Variants in FILIP1 observed in about 807,000 individuals in gnomAD.
The protein encoded by FILIP1 is filamin A interacting protein 1.
Under a neutral mutation model 102.1 loss-of-function variants are expected in FILIP1, and 61 were observed. The ratio of observed to expected loss-of-function variants is 0.60; its 90% confidence interval spans 0.49 to 0.74. The LOEUF (loss-of-function observed/expected upper bound fraction) is 0.74, where lower values mean the gene tolerates loss of function less well. Ranked by LOEUF, FILIP1 falls within the 30% of genes least tolerant of loss-of-function variation. The probability of loss-of-function intolerance (pLI) is 0.00; values close to 1 mark genes in which losing one functional copy is unlikely to be tolerated. For synonymous variants in FILIP1, 491 were observed against 526.9 expected, an observed-to-expected ratio of 0.93 and a Z score of 0.93; for missense variants, 1,314 against 1,441.2, an observed-to-expected ratio of 0.91 and a Z score of 1.43.
At chr6:75,344,614 G>A (rs892025239) in intron 4 of FILIP1, among the ~76,000 whole-genome samples, 1 of 152,202 alleles carries the variant, frequency 6.6e-6, no homozygotes, top group Non-Finnish European at 1.5e-5. Flanking sequence ...GGGTCAGCTG[G>A]CTCTGGAGGC....
chr6:75,308,862 G>A lies in FILIP1; in HGVS notation c.3471C>T (p.Pro1157=). 6.2e-7 allele frequency: 1 copy of A among 1,614,134 alleles called. No individual in the cohort carries two copies. The highest frequency in any genetic ancestry group is 2.2e-5 in the East Asian group (1 of 44,880). The change falls in exon 6 of 6, where the codon CCC becomes CCT. Residue 1157 remains proline (P), a synonymous_variant. Coordinates refer to ENST00000237172, the MANE Select transcript of FILIP1 (RefSeq NM_015687.5). ...GQDGSSQRPT[P]TRIPMSKGMK... ...TACCTTTTGACATAGGAATGCGGGT[G>A]GGTGTAGGCCGCTGGGATGACCCGT...
chr6:75,421,552 C>G (rs1381308174), intron 1 of FILIP1, among the ~76,000 whole-genome samples: 1 of 152,064 alleles, frequency 6.6e-6, no homozygotes, highest in East Asian at 1.9e-4. Context: ...GTCACTGAGC[C>G]TGAAACATCA....
chr6:75,371,872 G>T (rs1227508258), intron 2 of FILIP1, among the ~76,000 whole-genome samples: 1 of 152,140 alleles, frequency 6.6e-6, no homozygotes, highest in Admixed American at 6.6e-5. Context: ...AAATAGCACA[G>T]GAGAAAAGTT....
intron 5 of FILIP1, 58 bp downstream of exon 5, chr6:75,312,339 T>C (rs776918835): frequency 2.7e-4 from 411 of 1,527,796 alleles, no homozygotes; most frequent in Admixed American, 1.1e-3. Context: ...CTGGGTAGTC[T>C]CACTACTCAC....
intron 1 of FILIP1, among the ~76,000 whole-genome samples, chr6:75,454,555 T>C (rs1778757884): frequency 6.6e-6 from 1 of 152,202 alleles, no homozygotes; most frequent in African/African-American, 2.4e-5. Flanking sequence ...AGGGGGGCTA[T>C]TCTGCCAACT....
At chr6:75,457,160 A>ATGT (rs1432118875) in intron 1 of FILIP1, among the ~76,000 whole-genome samples, 1 of 152,180 alleles carries the variant, frequency 6.6e-6, no homozygotes, top group Non-Finnish European at 1.5e-5. Context: ...TTCAAGCCCC[A>ATGT]TGCTATCATG....
In FILIP1 at chr6:75,313,278, CAGA is replaced by C. The variant is rs1773280000; in HGVS notation, c.2551_2553del (p.Ser851del). The C allele has an allele frequency of 6.2e-7, 1 of 1,614,164 alleles. No individual in the cohort carries two copies. Among genetic ancestry groups the C allele is most frequent in the Admixed American group, 1.7e-5 (1 of 60,022 alleles). On this transcript the variant is annotated inframe_deletion, in exon 5 of 6. Transcript: ENST00000237172. This position sits in a 1 kb window ranked among gnomAD's most constrained non-coding sequence, Gnocchi z 4.2. Reference sequence around the variant, plus strand: ...GCTGCTGGAGGATACCTGTCTAGAACAGAAGATCTTTCCACGGGTTTCTTCAAT... The same window carrying C: ...GCTGCTGGAGGATACCTGTCTAGAACAGATCTTTCCACGGGTTTCTTCAAT...
chr6:75,308,833 T>C lies in FILIP1; in HGVS notation c.3500A>G (p.Lys1167Arg), dbSNP rs1362254393. The change falls in exon 6 of 6, where the codon AAA becomes AGA. Residue 1167 changes from lysine (K) to arginine (R), a missense_variant. By Grantham distance (26) the Lys-to-Arg change is conservative (BLOSUM62 2). Coordinates refer to ENST00000237172, the MANE Select transcript of FILIP1 (RefSeq NM_015687.5). ...GGCTGCCACTACTGGCTTTCCTGCT[T>C]TCATACCTTTTGACATAGGAATGCG... ...PTRIPMSKGM[K>R]AGKPVVAAPG... The C allele has an allele frequency of 6.2e-7, 1 of 1,614,192 alleles. No individual in the cohort carries two copies.
rs188468081 is a variant in FILIP1, at chr6:75,382,918, A to G, written c.277-20001T>C. On this transcript the variant is annotated intron_variant, in intron 2 of 5. Coordinates refer to ENST00000237172, the MANE Select transcript of FILIP1 (RefSeq NM_015687.5). ...TTTATCAGCCACAAAAGCCTAAAAC[A>G]TAAAATATATTTAAACCTTTCAGGA... Among the ~76,000 whole-genome samples, 923 of 152,376 alleles carry G rather than the reference A, an allele frequency of 6.1e-3. 2 individuals are homozygous for G. The highest frequency in any genetic ancestry group is 0.011 in the Admixed American group (169 of 15,300).
At chr6:75,296,466 C>T (rs1227713606) in intron 6 of FILIP1, 1 of 68,328 alleles carries the variant, frequency 1.5e-5, no homozygotes, top group Non-Finnish European at 3.2e-5. Context: ...TTTTGCATAA[C>T]TCTATATGTT....
intron 2 of FILIP1, among the ~76,000 whole-genome samples, chr6:75,414,164 A>T (rs1777171711): frequency 6.6e-6 from 1 of 151,280 alleles, no homozygotes; most frequent in East Asian, 1.9e-4. Context: ...ATTTGTGTGC[A>T]TCTCAATTCC....
chr6:75,319,467 C>T (rs1773566284), intron 4 of FILIP1: 2 of 605,080 alleles, frequency 3.3e-6, no homozygotes, highest in South Asian at 2.7e-5. Flanking sequence ...GCCTTGTCCG[C>T]CTTTGCCATA....
At chr6:75,311,903 A>C (rs1207601512) in intron 5 of FILIP1, among the ~76,000 whole-genome samples, 1 of 151,666 alleles carries the variant, frequency 6.6e-6, no homozygotes, top group African/African-American at 2.4e-5. Context: ...TTCACTTTTA[A>C]AAAAGTTTTT....
At chr6:75,471,721 T>A (rs1326509619) in intron 1 of FILIP1, among the ~76,000 whole-genome samples, 1 of 152,188 alleles carries the variant, frequency 6.6e-6, no homozygotes, top group Non-Finnish European at 1.5e-5. Context: ...GTGCATCCTT[T>A]CTATGGAAGA....
chr6:75,302,130 C>A (rs1426534208), intron 6 of FILIP1, among the ~76,000 whole-genome samples: 1 of 152,164 alleles, frequency 6.6e-6, no homozygotes, highest in Non-Finnish European at 1.5e-5. Context: ...AGGCCCCTTT[C>A]TTCACAGGCC....
At chr6:75,454,095 T>TA (rs1189322138) in intron 1 of FILIP1, 4 of 444,636 alleles carry the variant, frequency 9.0e-6, no homozygotes, top group Non-Finnish European at 1.4e-5. Context: ...CTCTCAATGA[T>TA]AAAATCAAGG....
intron 1 of FILIP1, among the ~76,000 whole-genome samples, chr6:75,478,985 T>TAAA (rs1779567381): frequency 6.6e-6 from 1 of 152,182 alleles, no homozygotes; most frequent in Non-Finnish European, 1.5e-5. Flanking sequence ...GTGTCAATTT[T>TAAA]GGCTATCAGT....
chr6:75,340,425 T>A (rs956436633), intron 4 of FILIP1, among the ~76,000 whole-genome samples: 1 of 152,162 alleles, frequency 6.6e-6, no homozygotes, highest in Non-Finnish European at 1.5e-5. Context: ...ATAGGAGCCA[T>A]ACAAAAAGAT....
At chr6:75,351,751 C>T (rs992058938) in intron 4 of FILIP1, among the ~76,000 whole-genome samples, 20 of 152,284 alleles carry the variant, frequency 1.3e-4, no homozygotes, top group African/African-American at 3.6e-4. Context: ...GATGAAATCA[C>T]CTAATGATGG....
Sources: allele counts gnomAD v4.1 joint callset (sites outside exome capture counted in the v4.1 genomes callset), GRCh38; gene constraint gnomAD v4.1.1; non-coding constraint Gnocchi (gnomAD v3.1); transcripts MANE v1.5; gene names NCBI Gene and HGNC (gene_info 2026-07-23, HGNC 2026-07-21).